Variants in SHISAL1 observed in about 807,000 individuals in gnomAD.
The protein encoded by SHISAL1 is protein shisa-like-1.
In SHISAL1, 9 loss-of-function variants were observed where a neutral mutation model predicts 22.6. The observed-to-expected ratio is 0.40, with a 90% CI of 0.24 to 0.70. The LOEUF is 0.70. Ranked by LOEUF, SHISAL1 falls within the 30% of genes least tolerant of loss-of-function variation. The pLI is 0.39. For synonymous variants in SHISAL1, 119 were observed against 115.4 expected (o/e 1.03, Z -0.20); for missense variants, 246 against 270.6 (o/e 0.91, Z 0.64).
intron 1 of SHISAL1, among the ~76,000 whole-genome samples, chr22:44,309,869 A>G (rs1006707600): frequency 2.0e-5 from 3 of 152,192 alleles, no homozygotes; most frequent in African/African-American, 4.8e-5. Context: ...CCAGGAATAA[A>G]CACTTCTCGA....
intron 4 of SHISAL1, among the ~76,000 whole-genome samples, chr22:44,267,015 G>T (rs559567423): frequency 1.3e-5 from 2 of 152,156 alleles, no homozygotes; most frequent in African/African-American, 4.8e-5. Flanking sequence ...TATGCCCAGC[G>T]GCTTCTGGCA....
chr22:44,285,202 A>C (rs2055304447), intron 4 of SHISAL1, among the ~76,000 whole-genome samples: 1 of 152,196 alleles, frequency 6.6e-6, no homozygotes, highest in South Asian at 2.1e-4. Flanking sequence ...TGAGCTTGCA[A>C]GCTTTGCTTC....
At chr22:44,313,374 C>A (rs1289139338), upstream of SHISAL1, among the ~76,000 whole-genome samples, 6 of 152,200 alleles carry the variant, frequency 3.9e-5, no homozygotes, top group Non-Finnish European at 8.8e-5. Context: ...ACAAACGGTC[C>A]CCACACCAGC....
chr22:44,293,959 G>T (rs556319611), intron 3 of SHISAL1, among the ~76,000 whole-genome samples: 1 of 152,330 alleles, frequency 6.6e-6, no homozygotes, highest in Admixed American at 6.5e-5. Flanking sequence ...GAAATCCTGT[G>T]CAAATATGCA....
intron 4 of SHISAL1, among the ~76,000 whole-genome samples, chr22:44,263,052 AGCCTTCAC>A (rs1230116424): frequency 6.3e-5 from 9 of 142,274 alleles, no homozygotes; most frequent in African/African-American, 2.3e-4. Flanking sequence ...TGGGGCTGGG[AGCCTTCAC>A]GTATTTTTTT....
At chr22:44,331,169 C>T in the SHISAL1 span, among the ~76,000 whole-genome samples, 1 of 152,104 alleles carries the variant, frequency 6.6e-6, no homozygotes, top group Non-Finnish European at 1.5e-5. The surrounding 1 kb of genome is among the most constrained non-coding windows in gnomAD (Gnocchi z 5.2). Flanking sequence ...GCGACCCCGA[C>T]CTTGGTGAGC....
At chr22:44,304,058 C>A (rs1227892468) in intron 1 of SHISAL1, among the ~76,000 whole-genome samples, 1 of 152,240 alleles carries the variant, frequency 6.6e-6, no homozygotes, top group Non-Finnish European at 1.5e-5. Context: ...AAGAAACAAG[C>A]CCCTCTGCAT....
rs3788609 is a variant in SHISAL1 at position 44,245,744 on chromosome 22, A to G, written c.*3941T>C. On this transcript the variant is annotated 3_prime_UTR_variant, in exon 5 of 5. Coordinates refer to ENST00000381176, the MANE Select transcript of SHISAL1 (RefSeq NM_001099294.2). Reference sequence around the variant, plus strand: ...TGACCTGAAGAGAGCTTTTGGGTTGACGGTGAACTGGAAACCATCTCCTGG... The same window carrying G: ...TGACCTGAAGAGAGCTTTTGGGTTGGCGGTGAACTGGAAACCATCTCCTGG... The G allele has an allele frequency of 0.2, 30,505 of 152,220 alleles. 3,443 individuals are homozygous for G. The highest frequency in any genetic ancestry group is 0.38 in the South Asian group (1,806 of 4,812). 9.4% of individuals were successfully genotyped at this position (152,220 alleles called of 1,614,324 possible). A position where few individuals can be genotyped will look rare whatever the true frequency, so the allele number is the denominator to read the frequency against.
At chr22:44,285,785 G>A (rs1321030743) in intron 3 of SHISAL1, 40 bp from the exon 4 acceptor site, 1 of 1,532,170 alleles carries the variant, frequency 6.5e-7, no homozygotes, top group Non-Finnish European at 9.0e-7. Flanking sequence ...GCAGAGGGGA[G>A]CAGTCCAGCT....
intron 4 of SHISAL1, among the ~76,000 whole-genome samples, chr22:44,250,122 T>C (rs779551210): frequency 1.3e-5 from 2 of 152,234 alleles, no homozygotes; most frequent in Non-Finnish European, 2.9e-5. Flanking sequence ...GGTAATTATA[T>C]GTCATGGCTT....
intron 4 of SHISAL1, among the ~76,000 whole-genome samples, chr22:44,268,446 T>A (rs1429551143): frequency 6.6e-6 from 1 of 152,132 alleles, no homozygotes; most frequent in Non-Finnish European, 1.5e-5. Flanking sequence ...GAAGGCGCAG[T>A]CCCTTCCCTC....
Position 44,245,148 on chromosome 22 carries a change from G to A in SHISAL1, c.*4537C>T, listed in dbSNP as rs2054987974. ...ACACCCTCTGATGCCCACCACGTGA[G>A]CAGGATGATTAAGAATTCCTGCAGT... is the stretch of plus-strand genomic sequence containing the variant. On this transcript the variant is annotated 3_prime_UTR_variant, in exon 5 of 5. Transcript: ENST00000381176. The A allele has an allele frequency of 6.6e-6, 1 of 152,228 alleles. No homozygotes were observed. Among genetic ancestry groups the A allele is most frequent in the Non-Finnish European group, 1.5e-5 (1 of 68,048 alleles). 9.4% of individuals were successfully genotyped at this position (152,228 alleles called of 1,614,324 possible). A position where few individuals can be genotyped will look rare whatever the true frequency, so the allele number is the denominator to read the frequency against.
rs1054486911 is a variant in SHISAL1, at chr22:44,248,891, A to G, written c.*794T>C. The G allele has an allele frequency of 6.6e-6, 1 of 152,172 alleles. No individual in the cohort carries two copies. The highest frequency in any genetic ancestry group is 1.5e-5 in the Non-Finnish European group (1 of 68,040). The allele number at this position is 152,172 out of a possible 1,614,324, so 9.4% of individuals were successfully genotyped here. ...TGAGTTTTTCTGCAGGGGGTTAATC[A>G]TACCTGCCTCCCAGGTGGTGAGAGA... On this transcript the variant is annotated 3_prime_UTR_variant, in exon 5 of 5. Transcript: ENST00000381176.
chr22:44,289,925 C>A (rs2147294138), intron 3 of SHISAL1, among the ~76,000 whole-genome samples: 1 of 152,326 alleles, frequency 6.6e-6, no homozygotes, highest in Middle Eastern at 3.4e-3. Flanking sequence ...GCAGCCAAAG[C>A]CGCAGATCGC....
chr22:44,290,225 G>A (rs963570396), intron 3 of SHISAL1, among the ~76,000 whole-genome samples: 19 of 152,146 alleles, frequency 1.2e-4, no homozygotes, highest in Non-Finnish European at 2.6e-4. Flanking sequence ...TGCTAACCTC[G>A]TCTAAAAAAT....
chr22:44,308,821 A>T (rs1195052963), intron 1 of SHISAL1, among the ~76,000 whole-genome samples: 4 of 152,182 alleles, frequency 2.6e-5, no homozygotes, highest in African/African-American at 9.7e-5. Context: ...CTCCTTAGAC[A>T]GGGGCCACGC....
At chr22:44,290,529 C>CAAAAAAAAAAAAAAAAAAAAAAAAAAAA (rs546640216) in intron 3 of SHISAL1, among the ~76,000 whole-genome samples, 1 of 84,292 alleles carries the variant, frequency 1.2e-5, no homozygotes, top group African/African-American at 4.7e-5. Flanking sequence ...AACTCAGTCT[C>CAAAAAAAAAAAAAAAAAAAAAAAAAAAA]AAAAAAAAAA....
At chr22:44,298,327 C>T (rs1178330991) in intron 2 of SHISAL1, among the ~76,000 whole-genome samples, 1 of 152,242 alleles carries the variant, frequency 6.6e-6, no homozygotes, top group African/African-American at 2.4e-5. Flanking sequence ...AAAGTGTGGC[C>T]CCTGATCGGC....
At chr22:44,266,484 C>CTGTTGGGGGCTCTGGTGTATGTGTG (rs2055162792) in intron 4 of SHISAL1, among the ~76,000 whole-genome samples, 1 of 84,516 alleles carries the variant, frequency 1.2e-5, no homozygotes, top group Non-Finnish European at 2.0e-5. Flanking sequence ...GTGTGTGTGT[C>CTGTTGGGGGCTCTGGTGTATGTGTG]TGTTGGGGGC....
Sources: allele counts gnomAD v4.1 joint callset (sites outside exome capture counted in the v4.1 genomes callset), GRCh38; gene constraint gnomAD v4.1.1; non-coding constraint Gnocchi (gnomAD v3.1); transcripts MANE v1.5; gene names NCBI Gene and HGNC (gene_info 2026-07-23, HGNC 2026-07-21).